Variants in ATP8A2 observed in about 807,000 individuals in gnomAD.
ATP8A2 encodes ATPase phospholipid transporting 8A2.
ATP8A2 carries 100 observed loss-of-function variants against 165.6 expected under a neutral mutation model. The ratio of observed to expected loss-of-function variants is 0.60; its 90% CI spans 0.51 to 0.71. The LOEUF is 0.71. ATP8A2 is among the 30% of genes least tolerant of loss of function. The pLI is 0.00. For synonymous variants in ATP8A2, 543 were observed against 548.8 expected, an observed-to-expected ratio of 0.99 and a Z score of 0.15; for missense variants, 1,227 against 1,479.5, an observed-to-expected ratio of 0.83 and a Z score of 2.80.
chr13:25,746,600 T>C (rs1165164044), intron 25 of ATP8A2, among the ~76,000 whole-genome samples: 2 of 152,230 alleles, frequency 1.3e-5, no homozygotes, highest in African/African-American at 4.8e-5. Context: ...GAGTCTATTA[T>C]GTTTCCTGCT....
At chr13:25,584,648 A>G (rs781455832) in intron 23 of ATP8A2, among the ~76,000 whole-genome samples, 17 of 152,148 alleles carry the variant, frequency 1.1e-4, no homozygotes, top group African/African-American at 2.2e-4. Flanking sequence ...GCTATACCCT[A>G]CTTAATGACC....
At chr13:25,854,438 G>A (rs950131575) in intron 30 of ATP8A2, among the ~76,000 whole-genome samples, 1 of 152,196 alleles carries the variant, frequency 6.6e-6, no homozygotes, top group South Asian at 2.1e-4. Flanking sequence ...TGGGCTTAAG[G>A]AATCCTCCCA....
chr13:25,394,879 G>A (rs866452602), intron 1 of ATP8A2, among the ~76,000 whole-genome samples: 10 of 152,252 alleles, frequency 6.6e-5, no homozygotes, highest in Non-Finnish European at 1.2e-4. Flanking sequence ...TGCATGACAA[G>A]CCTTACTAAA....
chr13:25,989,482 G>A (rs1956340947), intron 35 of ATP8A2, among the ~76,000 whole-genome samples: 1 of 152,030 alleles, frequency 6.6e-6, no homozygotes. Context: ...AATATTATTA[G>A]GTCTCTACTC....
chr13:25,682,091 A>G (rs1029190153), intron 24 of ATP8A2, among the ~76,000 whole-genome samples: 8 of 152,178 alleles, frequency 5.3e-5, no homozygotes, highest in Non-Finnish European at 7.3e-5. Flanking sequence ...GTGGAAGAAA[A>G]GCAAAATTTA....
intron 33 of ATP8A2, among the ~76,000 whole-genome samples, chr13:25,872,017 C>T (rs2138811509): frequency 6.6e-6 from 1 of 152,078 alleles, no homozygotes; most frequent in East Asian, 1.9e-4. Flanking sequence ...TGACATCTTG[C>T]CATCTTCCGC....
At chr13:25,763,404 C>T (rs1293482656) in intron 25 of ATP8A2, among the ~76,000 whole-genome samples, 1 of 152,148 alleles carries the variant, frequency 6.6e-6, no homozygotes, top group Non-Finnish European at 1.5e-5. Flanking sequence ...GTTACAGCTC[C>T]TCGCCATGTG....
chr13:25,718,399 G>A (rs962821695), intron 25 of ATP8A2, among the ~76,000 whole-genome samples: 4 of 151,326 alleles, frequency 2.6e-5, no homozygotes, highest in East Asian at 1.9e-4. Flanking sequence ...TTTTTTTCCC[G>A]TTTTATTGCC....
intron 24 of ATP8A2, among the ~76,000 whole-genome samples, chr13:25,661,825 C>T (rs1254850767): frequency 2.0e-5 from 3 of 152,028 alleles, no homozygotes; most frequent in Non-Finnish European, 4.4e-5. Flanking sequence ...AAATAAGCAT[C>T]GGATTCAAAC....
chr13:25,927,244 G>C (rs1566275955), intron 33 of ATP8A2: 1 of 456,718 alleles, frequency 2.2e-6, no homozygotes, highest in Non-Finnish European at 4.4e-6. Flanking sequence ...AACTGCATCT[G>C]ACAGAAAGAT....
At chr13:25,817,083 G>A (rs1463274943) in intron 27 of ATP8A2, among the ~76,000 whole-genome samples, 1 of 152,156 alleles carries the variant, frequency 6.6e-6, no homozygotes, top group Non-Finnish European at 1.5e-5. Context: ...GTTGGAAACA[G>A]CTGTGTCATT....
At chr13:25,537,967 T>C (rs1437396855) in intron 6 of ATP8A2, 21 bp from the exon 7 acceptor site, 2 of 1,593,410 alleles carry the variant, frequency 1.3e-6, no homozygotes, top group African/African-American at 2.7e-5. Flanking sequence ...TGCCCCTCTG[T>C]CCTCATCCCT....
At chr13:25,465,759 CTCTT>C (rs141605683) in intron 1 of ATP8A2, among the ~76,000 whole-genome samples, 5,182 of 86,532 alleles carry the variant, frequency 0.06, 1,071 homozygotes, top group African/African-American at 0.15. Flanking sequence ...CTCTCTCTCT[CTCTT>C]TCTCTCTTTC....
chr13:25,924,705 G>A (rs1246823510), intron 33 of ATP8A2, among the ~76,000 whole-genome samples: 3 of 152,116 alleles, frequency 2.0e-5, no homozygotes, highest in Non-Finnish European at 2.9e-5. Flanking sequence ...GTTTGGCTGT[G>A]TCCCCACCCA....
At chr13:26,018,915 C>CATTT (rs1280914630) in intron 36 of ATP8A2, among the ~76,000 whole-genome samples, 2 of 152,198 alleles carry the variant, frequency 1.3e-5, no homozygotes, top group Non-Finnish European at 2.9e-5. Flanking sequence ...AGACACATGG[C>CATTT]ATTTAATGAG....
At chr13:25,888,996 A>T (rs2138886635) in intron 33 of ATP8A2, among the ~76,000 whole-genome samples, 1 of 152,030 alleles carries the variant, frequency 6.6e-6, no homozygotes, top group African/African-American at 2.4e-5. Flanking sequence ...AAATATGGCA[A>T]TTTTTTCCTA....
chr13:25,686,190 G>T (rs576290387), intron 24 of ATP8A2, among the ~76,000 whole-genome samples: 2 of 152,164 alleles, frequency 1.3e-5, no homozygotes, highest in African/African-American at 2.4e-5. Context: ...TCAGTTTGGG[G>T]CATGCTATAT....
intron 1 of ATP8A2, among the ~76,000 whole-genome samples, chr13:25,439,235 G>C (rs2034863523): frequency 6.6e-6 from 1 of 152,136 alleles, no homozygotes; most frequent in Admixed American, 6.5e-5. Context: ...CAACTCAGGG[G>C]CTGTCAGCCA....
chr13:25,473,262 C>T (rs955901267), intron 2 of ATP8A2, among the ~76,000 whole-genome samples: 6 of 152,128 alleles, frequency 3.9e-5, no homozygotes, highest in Non-Finnish European at 7.3e-5. Context: ...GATCTGAAGT[C>T]TGTGGTAGGT....
Sources: allele counts gnomAD v4.1 joint callset (sites outside exome capture counted in the v4.1 genomes callset), GRCh38; gene constraint gnomAD v4.1.1; transcripts MANE v1.5; gene names NCBI Gene and HGNC (gene_info 2026-07-23, HGNC 2026-07-21).